The following TSPEAR variants were observed in gnomAD, a reference collection of about 807,000 sequenced individuals.
TSPEAR encodes the protein thrombospondin type laminin G domain and EAR repeats.
In TSPEAR, 69 loss-of-function variants were observed where a neutral mutation model predicts 71.6. The observed-to-expected ratio is 0.96, with a 90% CI of 0.79 to 1.18. The LOEUF is 1.18. Ranked by LOEUF, TSPEAR falls within the 50% of genes most tolerant of loss-of-function variation. The pLI is 0.00. For synonymous variants in TSPEAR, 402 were observed against 387.2 expected (o/e 1.04, Z -0.45); for missense variants, 971 against 894.9 (o/e 1.09, Z -1.09).
chr21:44,661,494 C>T (rs587644916), intron 1 of TSPEAR, among the ~76,000 whole-genome samples: 144 of 152,222 alleles, frequency 9.5e-4, no homozygotes, highest in African/African-American at 3.3e-3. Context: ...TCCTTTGTTA[C>T]AGTAAAGGTA....
intron 1 of TSPEAR, chr21:44,658,372 C>A: frequency 8.8e-7 from 1 of 1,140,066 alleles, no homozygotes; most frequent in Non-Finnish European, 1.3e-6. Flanking sequence ...AAAAGCATGC[C>A]CAAGGAAACC....
At chr21:44,508,242 T>G in intron 10 of TSPEAR, 1 of 157,916 alleles carries the variant, frequency 6.3e-6, no homozygotes, top group Non-Finnish European at 1.4e-5. Flanking sequence ...AAGATTTCAC[T>G]GCACCTCACC....
rs1483154113 is a variant in TSPEAR, at chr21:44,710,639, C to A, written c.82+794G>T. ...CTCGCCTCCCCTGATAGCCGTGCTGCGGAGCCTGAGTGCTGGAGTCACTAA... is the reference window on the plus strand; with the variant it reads ...CTCGCCTCCCCTGATAGCCGTGCTGAGGAGCCTGAGTGCTGGAGTCACTAA... On this transcript the variant is annotated intron_variant, in intron 1 of 11. Transcript: ENST00000323084. This position sits in a 1 kb window ranked among gnomAD's most constrained non-coding sequence, Gnocchi z 4.6. Among the ~76,000 whole-genome samples, 1 of 152,228 alleles carries A rather than the reference C, an allele frequency of 6.6e-6. No individual in the cohort carries two copies. Among genetic ancestry groups the A allele is most frequent in the African/African-American group, 2.4e-5 (1 of 41,454 alleles).
Position 44,601,591 on chromosome 21 carries a change from C to T in TSPEAR, c.83-33586G>A, listed in dbSNP as rs1445285556. 3 of 1,613,458 alleles carry T rather than the reference C, an allele frequency of 1.9e-6. No individual in the cohort carries two copies. The African/African-American group carries it at 4.0e-5, about 22-fold the overall frequency. On this transcript the variant is annotated intron_variant, in intron 1 of 11. Transcript: ENST00000323084. ...CGTGTGCAGGCCCGCCTGCTGCGTG[C>T]CCGTCCCCTCCTGCTGCGCCCCCAC... is the stretch of plus-strand genomic sequence containing the variant.
rs1328038403 is a variant in TSPEAR at position 44,687,183 on chromosome 21, CCAGAGGCTGGA to C, written c.82+24239_82+24249del. Reference sequence around the variant, plus strand: ...GGGCTTTCCCCCAGCACGCGTTTCCCCAGAGGCTGGATTGGGGCCACTGAGGCGGTGTGACA... The same window carrying C: ...GGGCTTTCCCCCAGCACGCGTTTCCCTTGGGGCCACTGAGGCGGTGTGACA... On this transcript the variant is annotated intron_variant, in intron 1 of 11. Coordinates refer to ENST00000323084, the MANE Select transcript of TSPEAR (RefSeq NM_144991.3). The surrounding 1 kb of genome is among the most constrained non-coding windows in gnomAD (Gnocchi z 4.4). Among the ~76,000 whole-genome samples, 4 of 152,174 alleles carry C rather than the reference CCAGAGGCTGGA, an allele frequency of 2.6e-5. No homozygotes were observed. Among genetic ancestry groups the C allele is most frequent in the Non-Finnish European group, 4.4e-5 (3 of 68,022 alleles).
At chr21:44,676,095 C>T in intron 1 of TSPEAR, 8 of 875,882 alleles carry the variant, frequency 9.1e-6, no homozygotes, top group Non-Finnish European at 1.6e-5. Context: ...GTGTTTATAT[C>T]TTCAGATCAG....
Position 44,612,528 on chromosome 21 carries a change from C to T in TSPEAR, c.83-44523G>A, listed in dbSNP as rs140490486. 58 of 1,610,080 alleles carry T rather than the reference C, an allele frequency of 3.6e-5. 1 individual carries two copies. The highest frequency in any genetic ancestry group is 4.6e-5 in the Non-Finnish European group (54 of 1,177,190). The stretch of plus-strand genomic sequence containing the variant: ...GTGTCCATCTGCTCTGGAGCTTCCT[C>T]CCCATGCTGCCAGCAGTCTAGCTGC... On this transcript the variant is annotated intron_variant, in intron 1 of 11. Transcript: ENST00000323084. The surrounding 1 kb of genome is among the most constrained non-coding windows in gnomAD (Gnocchi z 4.1).
intron 1 of TSPEAR, among the ~76,000 whole-genome samples, chr21:44,644,721 T>C (rs1444459401): frequency 6.6e-6 from 1 of 152,170 alleles, no homozygotes; most frequent in Non-Finnish European, 1.5e-5. Flanking sequence ...ATAACATATT[T>C]CATTCATCAC....
chr21:44,690,297 G>A (rs1398138657), intron 1 of TSPEAR, among the ~76,000 whole-genome samples: 2 of 152,236 alleles, frequency 1.3e-5, no homozygotes, highest in East Asian at 1.9e-4. Flanking sequence ...AACTCCTAAA[G>A]AGGAGCATTT....
At chr21:44,536,894 T>C (rs1352475074) in intron 2 of TSPEAR, among the ~76,000 whole-genome samples, 2 of 152,190 alleles carry the variant, frequency 1.3e-5, no homozygotes, top group Admixed American at 6.5e-5. Flanking sequence ...AAAATTTATA[T>C]AGACATATAT....
At chr21:44,548,364 T>C (rs1052296258) in intron 2 of TSPEAR, among the ~76,000 whole-genome samples, 9 of 152,184 alleles carry the variant, frequency 5.9e-5, no homozygotes, top group Admixed American at 5.2e-4. Flanking sequence ...TTTTTCTTGA[T>C]TATGTGTTCC....
intron 1 of TSPEAR, among the ~76,000 whole-genome samples, chr21:44,708,993 C>T (rs531196243): frequency 6.6e-6 from 1 of 152,196 alleles, no homozygotes; most frequent in Admixed American, 6.5e-5. Context: ...CCCGCGTGAC[C>T]GGTCCCCACC....
chr21:44,558,392 G>C lies in TSPEAR; in HGVS notation c.303+9393C>G, dbSNP rs587773916. ...GCTTGCAGCAGACGGGCACACAGCA[G>C]ACTGGCTTGCAGCAGACAGGCACGC... On this transcript the variant is annotated intron_variant, in intron 2 of 11. Coordinates refer to ENST00000323084, the MANE Select transcript of TSPEAR (RefSeq NM_144991.3). 1.4e-4 allele frequency: 231 copies of C among 1,613,212 alleles called. No homozygotes were observed. In the South Asian group the frequency reaches 1.8e-3, roughly 12 times the overall value.
At chr21:44,700,925 C>T (rs2146328459) in intron 1 of TSPEAR, among the ~76,000 whole-genome samples, 1 of 152,244 alleles carries the variant, frequency 6.6e-6, no homozygotes, top group Non-Finnish European at 1.5e-5. Flanking sequence ...GGTGATATTC[C>T]AAGGTCGTGC....
intron 1 of TSPEAR, among the ~76,000 whole-genome samples, chr21:44,645,861 C>T (rs1029718839): frequency 1.3e-5 from 2 of 151,818 alleles, no homozygotes; most frequent in Admixed American, 6.6e-5. Flanking sequence ...ATTTTCCGGC[C>T]GGACGCGGTG....
intron 1 of TSPEAR, among the ~76,000 whole-genome samples, chr21:44,679,380 G>A (rs1986472666): frequency 6.6e-6 from 1 of 152,134 alleles, no homozygotes; most frequent in Non-Finnish European, 1.5e-5. Flanking sequence ...ACAAAACACT[G>A]ATAAAATAAA....
In TSPEAR at chr21:44,637,849, G is replaced by C. The variant is rs142146787; in HGVS notation, c.83-69844C>G. On this transcript the variant is annotated intron_variant, in intron 1 of 11. Transcript: ENST00000323084. Reference sequence around the variant, plus strand: ...GCTGCACCTCCTCCCCATGCCAGCAGGCCTGCTGTGTGCCTGTCTGCTCTA... The same window carrying C: ...GCTGCACCTCCTCCCCATGCCAGCACGCCTGCTGTGTGCCTGTCTGCTCTA... 374 of 1,593,344 alleles carry C rather than the reference G, an allele frequency of 2.3e-4. No individual in the cohort carries two copies. The African/African-American group carries it at 2.9e-3, about 12-fold the overall frequency.
At chr21:44,502,756 C>T (rs2052058920) in intron 11 of TSPEAR, among the ~76,000 whole-genome samples, 1 of 152,388 alleles carries the variant, frequency 6.6e-6, no homozygotes, top group Non-Finnish European at 1.5e-5. Flanking sequence ...TGACACCTGA[C>T]TTGGGACTCG....
chr21:44,558,942 T>C (rs1380564359), intron 2 of TSPEAR, among the ~76,000 whole-genome samples: 1 of 152,134 alleles, frequency 6.6e-6, no homozygotes, highest in African/African-American at 2.4e-5. Context: ...GTGGATGTTC[T>C]GGTTTGTGAG....
Sources: gnomAD v4.1 joint callset for allele counts (sites outside exome capture counted in the v4.1 genomes callset) on GRCh38, gnomAD v4.1.1 for gene constraint, Gnocchi (gnomAD v3.1) non-coding constraint, MANE v1.5 for transcripts, NCBI Gene and HGNC (gene_info 2026-07-23, HGNC 2026-07-21) for gene names.